Variants in LRBA observed in about 807,000 individuals in gnomAD.
LRBA encodes LPS responsive beige-like anchor protein.
LRBA carries 176 observed loss-of-function variants against 330.0 expected under a neutral mutation model. That is an observed-to-expected ratio of 0.53 (90% confidence interval 0.47 to 0.60). The LOEUF (loss-of-function observed/expected upper bound fraction) is 0.60. Ranked by LOEUF, LRBA falls within the 20% of genes least tolerant of loss-of-function variation. The pLI, the probability that LRBA is intolerant of heterozygous loss-of-function variation, is 0.00. For synonymous variants in LRBA, 1,230 were observed against 1,193.0 expected, an observed-to-expected ratio of 1.03 and a Z score of -0.64; for missense variants, 3,259 against 3,444.8, an observed-to-expected ratio of 0.95 and a Z score of 1.35.
At chr4:150,702,116 T>C (rs1384388310) in intron 36 of LRBA, among the ~76,000 whole-genome samples, 3 of 152,200 alleles carry the variant, frequency 2.0e-5, no homozygotes, top group African/African-American at 7.2e-5. Context: ...AAATTACTTT[T>C]GCACTATTTC....
chr4:150,918,141 T>C (rs969772212), intron 5 of LRBA, among the ~76,000 whole-genome samples: 1 of 152,076 alleles, frequency 6.6e-6, no homozygotes, highest in African/African-American at 2.4e-5. Context: ...TTAAAACCTG[T>C]GCTTTAAGGA....
intron 29 of LRBA, among the ~76,000 whole-genome samples, chr4:150,829,423 A>G (rs1031510149): frequency 1.3e-5 from 2 of 152,152 alleles, no homozygotes; most frequent in African/African-American, 4.8e-5. Flanking sequence ...AACCCATTCT[A>G]GCAAAAATAG....
chr4:150,726,356 G>A (rs1437834729), intron 36 of LRBA, among the ~76,000 whole-genome samples: 1 of 152,124 alleles, frequency 6.6e-6, no homozygotes, highest in East Asian at 1.9e-4. Context: ...CATTTAATCA[G>A]ATAAAATAGA....
chr4:150,986,464 T>C (rs1741477494), intron 2 of LRBA, among the ~76,000 whole-genome samples: 1 of 152,190 alleles, frequency 6.6e-6, no homozygotes, highest in Non-Finnish European at 1.5e-5. Flanking sequence ...TGGTCAACTT[T>C]TGGCCTCCTT....
At chr4:150,717,032 C>T (rs1379166564) in intron 36 of LRBA, among the ~76,000 whole-genome samples, 1 of 152,112 alleles carries the variant, frequency 6.6e-6, no homozygotes. Flanking sequence ...TAATAGATGA[C>T]GTTAGGCCAC....
At chr4:150,825,180 AAG>A (rs747638463) in intron 30 of LRBA, among the ~76,000 whole-genome samples, 2 of 152,256 alleles carry the variant, frequency 1.3e-5, no homozygotes, top group Non-Finnish European at 2.9e-5. Flanking sequence ...CTACAGTTAA[AAG>A]AAATGTAAAC....
intron 47 of LRBA, among the ~76,000 whole-genome samples, chr4:150,388,555 C>G (rs1272209392): frequency 6.6e-6 from 1 of 152,156 alleles, no homozygotes; most frequent in African/African-American, 2.4e-5. Flanking sequence ...TGAAGTCAGA[C>G]AGATTATTTG....
intron 45 of LRBA, among the ~76,000 whole-genome samples, chr4:150,436,168 A>G (rs1222511204): frequency 2.6e-5 from 4 of 152,188 alleles, no homozygotes; most frequent in Non-Finnish European, 5.9e-5. Context: ...AAATTAGCTA[A>G]GCACTATAAA....
chr4:150,962,066 G>A (rs746869293), intron 2 of LRBA, among the ~76,000 whole-genome samples: 3 of 149,386 alleles, frequency 2.0e-5, no homozygotes, highest in Non-Finnish European at 4.4e-5. Flanking sequence ...TAACCTGTAC[G>A]CACTATGGTT....
intron 44 of LRBA, among the ~76,000 whole-genome samples, chr4:150,441,757 A>G (rs1453455726): frequency 6.6e-6 from 1 of 151,386 alleles, no homozygotes; most frequent in Non-Finnish European, 1.5e-5. Context: ...CTAGTACTCA[A>G]AAGTCCTTCT....
In LRBA at chr4:150,592,377, T is replaced by A. The variant is rs79450595; in HGVS notation, c.6047-1518A>T. 7.6e-4 allele frequency among the ~76,000 whole-genome samples: 115 copies of A among 151,930 alleles called. No homozygotes were observed. In the East Asian group the frequency reaches 0.02, roughly 27 times the overall value. On this transcript the variant is annotated intron_variant, in intron 38 of 56. Transcript: ENST00000651943. ...GATGATGTTAAAGGTAAAAGGTTTT[T>A]TTTTTCTCATATTTATTGCGAATTC...
chr4:150,464,458 A>C (rs1462230908), intron 44 of LRBA, among the ~76,000 whole-genome samples: 1 of 152,148 alleles, frequency 6.6e-6, no homozygotes, highest in African/African-American at 2.4e-5. Flanking sequence ...AAACTAATAC[A>C]GTCCTCATTT....
chr4:150,954,524 G>C (rs1389682766), intron 2 of LRBA, among the ~76,000 whole-genome samples: 1 of 151,532 alleles, frequency 6.6e-6, no homozygotes, highest in Admixed American at 6.6e-5. Context: ...AATGGATTAA[G>C]GGCGGTGCAA....
intron 35 of LRBA, among the ~76,000 whole-genome samples, chr4:150,761,394 C>T (rs548173434): frequency 1.3e-5 from 2 of 152,062 alleles, no homozygotes; most frequent in African/African-American, 4.8e-5. Flanking sequence ...CTTGTCCCCC[C>T]TCCCATTATG....
chr4:150,474,666 A>G (rs1012267594), intron 42 of LRBA, among the ~76,000 whole-genome samples: 6 of 152,238 alleles, frequency 3.9e-5, no homozygotes, highest in African/African-American at 1.4e-4. Context: ...ATTTCTCTTA[A>G]AAATGTTTTA....
intron 44 of LRBA, among the ~76,000 whole-genome samples, chr4:150,443,874 T>TATA (rs1561185911): frequency 6.4e-4 from 18 of 28,040 alleles, no homozygotes; most frequent in African/African-American, 1.7e-3. Flanking sequence ...ATATATATAT[T>TATA]TTTTTTTTTT....
chr4:150,550,173 A>T (rs979915620), intron 40 of LRBA, among the ~76,000 whole-genome samples: 2 of 152,230 alleles, frequency 1.3e-5, no homozygotes, highest in African/African-American at 4.8e-5. Flanking sequence ...AATTTTATGT[A>T]AAGTAAAACT....
At chr4:150,965,087 A>C (rs1380955528) in intron 2 of LRBA, among the ~76,000 whole-genome samples, 1 of 152,176 alleles carries the variant, frequency 6.6e-6, no homozygotes, top group Non-Finnish European at 1.5e-5. Context: ...TATAAACCAA[A>C]ATTATAAAGG....
intron 9 of LRBA, among the ~76,000 whole-genome samples, chr4:150,909,721 T>G (rs1731762447): frequency 6.6e-6 from 1 of 152,174 alleles, no homozygotes; most frequent in African/African-American, 2.4e-5. Flanking sequence ...ATTTTTAATT[T>G]TTTGAGGAAC....
Sources: gnomAD v4.1 joint callset for allele counts (sites outside exome capture counted in the v4.1 genomes callset) on GRCh38, gnomAD v4.1.1 for gene constraint, MANE v1.5 for transcripts, NCBI Gene and HGNC (gene_info 2026-07-23, HGNC 2026-07-21) for gene names.